BACH2: variants seen among roughly 807,000 people sequenced by gnomAD.
BACH2 encodes the protein transcription regulator protein BACH2.
BACH2 carries 5 observed loss-of-function variants against 61.8 expected under a neutral mutation model. The ratio of observed to expected loss-of-function variants is 0.08; its 90% CI spans 0.04 to 0.17. The LOEUF is 0.17. Among genes scored for constraint, BACH2 ranks in the 10% least tolerant of loss-of-function variants. The pLI is 1.00. For synonymous variants in BACH2, 446 were observed against 440.1 expected, an observed-to-expected ratio of 1.01 and a Z score of -0.17; for missense variants, 824 against 1,091.1, an observed-to-expected ratio of 0.76 and a Z score of 3.45.
intron 5 of BACH2, among the ~76,000 whole-genome samples, chr6:90,054,637 G>C (rs1342142747): frequency 6.6e-6 from 1 of 152,204 alleles, no homozygotes; most frequent in Non-Finnish European, 1.5e-5. Flanking sequence ...GGTTCTCCCA[G>C]CACACAGCTT....
chr6:90,009,604 C>T (rs1269171845), intron 5 of BACH2, among the ~76,000 whole-genome samples: 3 of 152,236 alleles, frequency 2.0e-5, no homozygotes, highest in African/African-American at 7.2e-5. Context: ...AAGATGCATT[C>T]AACAGTCAAG....
At chr6:90,047,892 A>G (rs1281002549) in intron 5 of BACH2, among the ~76,000 whole-genome samples, 2 of 152,156 alleles carry the variant, frequency 1.3e-5, no homozygotes, top group Non-Finnish European at 1.5e-5. Flanking sequence ...TCTGGTGTCT[A>G]AAGGGCTAAT....
intron 4 of BACH2, among the ~76,000 whole-genome samples, chr6:90,107,994 T>C (rs975979883): frequency 6.6e-6 from 1 of 152,154 alleles, no homozygotes; most frequent in Admixed American, 6.5e-5. Context: ...AATAAATATT[T>C]ACCATATCTA....
chr6:90,276,619 A>G (rs1470388253), intron 1 of BACH2, among the ~76,000 whole-genome samples: 1 of 152,218 alleles, frequency 6.6e-6, no homozygotes, highest in Non-Finnish European at 1.5e-5. Context: ...CGCTAAGCAA[A>G]AGAGTGAGAG....
intron 4 of BACH2, among the ~76,000 whole-genome samples, chr6:90,102,154 G>C (rs1217435100): frequency 6.6e-6 from 1 of 151,958 alleles, no homozygotes. Flanking sequence ...ATAAATATAA[G>C]GAGCTCATAC....
intron 5 of BACH2, among the ~76,000 whole-genome samples, chr6:90,066,284 A>C (rs916946755): frequency 2.0e-5 from 3 of 152,172 alleles, no homozygotes; most frequent in African/African-American, 7.2e-5. Context: ...CATTCAAGAG[A>C]GGTGACCAGT....
intron 5 of BACH2, among the ~76,000 whole-genome samples, chr6:90,051,496 G>A (rs1780044961): frequency 6.6e-6 from 1 of 152,156 alleles, no homozygotes; most frequent in African/African-American, 2.4e-5. Context: ...CAGTGGCAGA[G>A]TTGAGTAGTA....
chr6:90,204,550 A>AC (rs1396671033), intron 4 of BACH2, among the ~76,000 whole-genome samples: 1 of 152,146 alleles, frequency 6.6e-6, no homozygotes, highest in Non-Finnish European at 1.5e-5. Context: ...CAAGCAACAG[A>AC]CACACCTACT....
chr6:90,110,723 G>T (rs1783129850), intron 4 of BACH2, among the ~76,000 whole-genome samples: 1 of 152,136 alleles, frequency 6.6e-6, no homozygotes, highest in South Asian at 2.1e-4. Context: ...ACCCAAATTG[G>T]AGTAACTAGA....
intron 3 of BACH2, among the ~76,000 whole-genome samples, chr6:90,219,435 T>C (rs888185142): frequency 2.0e-5 from 3 of 152,322 alleles, no homozygotes; most frequent in East Asian, 1.9e-4. Flanking sequence ...TCTGGAGCTG[T>C]GTGTTTCTTT....
rs1356933985 is a variant in BACH2, at chr6:89,930,312, C to G, written c.*2096G>C. On this transcript the variant is annotated 3_prime_UTR_variant, in exon 9 of 9. Coordinates refer to ENST00000257749, the MANE Select transcript of BACH2 (RefSeq NM_021813.4). ...TTCATACATATTTAAACATTTAGTG[C>G]TAATATTTGTACAGAAAAAAGTTAA... 3 of 130,896 alleles carry G rather than the reference C, an allele frequency of 2.3e-5. No individual in the cohort carries two copies. The highest frequency in any genetic ancestry group is 4.8e-4 in the East Asian group (2 of 4,182). The allele number at this position is 130,896 out of a possible 1,614,324, so 8.1% of individuals were successfully genotyped here.
At chr6:90,030,177 G>A (rs180869005) in intron 5 of BACH2, among the ~76,000 whole-genome samples, 13 of 152,114 alleles carry the variant, frequency 8.5e-5, no homozygotes, top group East Asian at 5.8e-4. Flanking sequence ...TTATGTCCAC[G>A]GCCTATCTCA....
At chr6:89,936,640 C>T (rs1773041420) in intron 8 of BACH2, among the ~76,000 whole-genome samples, 3 of 152,128 alleles carry the variant, frequency 2.0e-5, no homozygotes, top group Admixed American at 6.5e-5. Context: ...GAAGCTTGGA[C>T]TTTCTTTGTT....
At chr6:90,042,416 G>A (rs900129010) in intron 5 of BACH2, among the ~76,000 whole-genome samples, 3 of 151,768 alleles carry the variant, frequency 2.0e-5, no homozygotes, top group Non-Finnish European at 4.4e-5. Context: ...GCCCAGGCTG[G>A]TATTGACTGA....
chr6:90,133,788 G>A (rs1047330053), intron 4 of BACH2, among the ~76,000 whole-genome samples: 2 of 152,036 alleles, frequency 1.3e-5, no homozygotes, highest in South Asian at 2.1e-4. Context: ...GAGAACATGC[G>A]GTGTTTGGTT....
At chr6:90,027,224 C>T (rs1474602828) in intron 5 of BACH2, among the ~76,000 whole-genome samples, 1 of 152,106 alleles carries the variant, frequency 6.6e-6, no homozygotes, top group Non-Finnish European at 1.5e-5. Flanking sequence ...CTTCAGAGAA[C>T]ACGGGGAAAA....
intron 3 of BACH2, among the ~76,000 whole-genome samples, chr6:90,239,665 TAA>T (rs1770373920): frequency 1.3e-5 from 2 of 152,160 alleles, no homozygotes; most frequent in Non-Finnish European, 2.9e-5. Context: ...TCTATATGAC[TAA>T]GAGATGGACC....
At chr6:89,948,179 A>C (rs1008024912) in intron 7 of BACH2, among the ~76,000 whole-genome samples, 5 of 151,906 alleles carry the variant, frequency 3.3e-5, no homozygotes, top group African/African-American at 7.3e-5. Context: ...TGTCATAAAA[A>C]CACCACCCTC....
Position 89,938,135 on chromosome 6 carries a change from T to G in BACH2, c.2043+9A>C. The G allele has an allele frequency of 1.2e-6, 2 of 1,611,576 alleles. No individual in the cohort carries two copies. The highest frequency in any genetic ancestry group is 1.7e-6 in the Non-Finnish European group (2 of 1,177,712). On this transcript the variant is annotated intron_variant, in intron 8 of 8. Coordinates refer to ENST00000257749, the MANE Select transcript of BACH2 (RefSeq NM_021813.4). ...CAGGTTGCTGATCACAATGGATGGG[T>G]CAACTCACCAATTTGCGGATTTCAC...
Sources: allele counts gnomAD v4.1 joint callset (sites outside exome capture counted in the v4.1 genomes callset), GRCh38; gene constraint gnomAD v4.1.1; transcripts MANE v1.5; gene names NCBI Gene and HGNC (gene_info 2026-07-23, HGNC 2026-07-21).